The following P3H2 variants were observed in gnomAD, a reference collection of about 807,000 sequenced individuals.
P3H2 encodes prolyl 3-hydroxylase 2.
A neutral mutation model predicts 87.0 loss-of-function variants in P3H2; 80 were observed. That is an observed-to-expected ratio of 0.92 (90% confidence interval 0.77 to 1.11). The LOEUF (loss-of-function observed/expected upper bound fraction) is 1.11, where lower values mean the gene tolerates loss of function less well. Among genes scored for constraint, P3H2 ranks in the 50% least tolerant of loss-of-function variants. The pLI, the probability that P3H2 is intolerant of heterozygous loss-of-function variation, is 0.00. For synonymous variants in P3H2, 367 were observed against 359.3 expected (o/e 1.02, Z -0.24); for missense variants, 1,001 against 923.9 (o/e 1.08, Z -1.08).
chr3:189,960,275 T>C (rs1015127331), intron 14 of P3H2, among the ~76,000 whole-genome samples: 2 of 152,190 alleles, frequency 1.3e-5, no homozygotes, highest in South Asian at 2.1e-4. Context: ...CCACACATCA[T>C]TGGTCACCGT....
At chr3:190,099,822 C>G (rs1161458333) in intron 1 of P3H2, among the ~76,000 whole-genome samples, 1 of 152,188 alleles carries the variant, frequency 6.6e-6, no homozygotes, top group Non-Finnish European at 1.5e-5. Context: ...AGAGCGGAGT[C>G]TGCAGAACTG....
intron 1 of P3H2, among the ~76,000 whole-genome samples, chr3:190,106,870 C>G (rs1471759788): frequency 6.6e-6 from 1 of 152,116 alleles, no homozygotes; most frequent in Non-Finnish European, 1.5e-5. Flanking sequence ...GAGTTTGGAT[C>G]TCATGATTGT....
At chr3:189,975,075 C>T (rs1723308132) in intron 8 of P3H2, among the ~76,000 whole-genome samples, 2 of 152,136 alleles carry the variant, frequency 1.3e-5, no homozygotes, top group African/African-American at 4.8e-5. Flanking sequence ...ATGTTTGGGT[C>T]CCCAGGTATG....
chr3:190,120,959 T>C (rs1050127026), upstream of P3H2: 10 of 572,118 alleles, frequency 1.7e-5, no homozygotes, highest in Non-Finnish European at 2.5e-5. Flanking sequence ...CTCCTCCTGC[T>C]GCCTGAGACT....
At chr3:190,067,742 T>C (rs1172048563) in intron 1 of P3H2, among the ~76,000 whole-genome samples, 1 of 152,162 alleles carries the variant, frequency 6.6e-6, no homozygotes, top group African/African-American at 2.4e-5. Context: ...TATGAAGTAT[T>C]TCTGGGGGGG....
At chr3:189,994,732 G>T (rs1723994310) in intron 2 of P3H2, among the ~76,000 whole-genome samples, 1 of 147,228 alleles carries the variant, frequency 6.8e-6, no homozygotes, top group Admixed American at 6.8e-5. Context: ...GAGGCTACAT[G>T]TTGAGAATGG....
At chr3:190,113,873 C>T (rs1032684108) in intron 1 of P3H2, among the ~76,000 whole-genome samples, 1 of 151,852 alleles carries the variant, frequency 6.6e-6, no homozygotes, top group Non-Finnish European at 1.5e-5. Context: ...GTCGGGAGTT[C>T]GAGACCATCC....
At position 190,022,559 on chromosome 3, in the gene P3H2, C is replaced by A. The variant is rs556060488; in HGVS notation, c.481-27117G>T. 4.5e-5 allele frequency among the ~76,000 whole-genome samples: 6 copies of A among 134,814 alleles called. 2 individuals are homozygous for A. Among genetic ancestry groups the A allele is most frequent in the Middle Eastern group, 7.3e-3 (2 of 274 alleles). The allele number at this position is 134,814 out of a possible 152,430, so 88.4% of individuals were successfully genotyped here. On this transcript the variant is annotated intron_variant, in intron 1 of 14. Coordinates refer to ENST00000319332, the MANE Select transcript of P3H2 (RefSeq NM_018192.4). ...ATTTAACATATTATCCTCCAAGAAA[C>A]ATTATTTGTTAGTTAAATGCACATA...
At chr3:190,011,710 G>A (rs1451879108) in intron 1 of P3H2, among the ~76,000 whole-genome samples, 1 of 152,120 alleles carries the variant, frequency 6.6e-6, no homozygotes, top group Non-Finnish European at 1.5e-5. Flanking sequence ...TAAATTAAAA[G>A]CAAAATTTCT....
intron 1 of P3H2, among the ~76,000 whole-genome samples, chr3:190,068,432 C>A (rs1373411946): frequency 2.0e-5 from 3 of 152,112 alleles, no homozygotes; most frequent in East Asian, 1.9e-4. Flanking sequence ...GGACTCAGCC[C>A]CCTGGACACA....
chr3:189,988,896 C>T lies in P3H2; in HGVS notation c.955+11G>A. 1 of 1,613,936 alleles carries T rather than the reference C, an allele frequency of 6.2e-7. No homozygotes were observed. Among genetic ancestry groups the T allele is most frequent in the Non-Finnish European group, 8.5e-7 (1 of 1,179,950 alleles). On this transcript the variant is annotated intron_variant, in intron 4 of 14. Transcript: ENST00000319332. ...CCCCCAAGAAGTCTTCACGGATGAT[C>T]CACGCTTTACCTCGATAGTAGGCAA... is the stretch of plus-strand genomic sequence containing the variant.
chr3:189,987,746 G>A lies in P3H2; in HGVS notation c.956-77C>T, dbSNP rs1723752259. On this transcript the variant is annotated intron_variant, in intron 4 of 14. Coordinates refer to ENST00000319332, the MANE Select transcript of P3H2 (RefSeq NM_018192.4). ...GATTTTAAAGGGAGGCCATCAACGTGTCTACAAAGGTCAGCATTAAACATG... is the reference window on the plus strand; with the variant it reads ...GATTTTAAAGGGAGGCCATCAACGTATCTACAAAGGTCAGCATTAAACATG... The A allele has an allele frequency of 5.8e-6, 9 of 1,549,160 alleles. No individual in the cohort carries two copies. The South Asian group carries it at 1.0e-4, about 17-fold the overall frequency.
Position 190,120,565 on chromosome 3 carries a change from T to C in P3H2, c.167A>G (p.Tyr56Cys), listed in dbSNP as rs755056740. The C allele has an allele frequency of 7.1e-6, 11 of 1,538,810 alleles. No individual in the cohort carries two copies. The South Asian group carries it at 1.1e-4, about 15-fold the overall frequency. The change falls in exon 1 of 15, where the codon TAC becomes TGC. Residue 56 changes from tyrosine to cysteine, a missense_variant. Coordinates refer to ENST00000319332, the MANE Select transcript of P3H2 (RefSeq NM_018192.4). ...CACCGCTCGCTCGTAGTCTCCGCTG[T>C]AGTAGGCGGCCGCGCCGCTGGCGTA... ...LLYASGAAAY[Y>C]SGDYERAVRD...
rs875989838 is a variant in P3H2 at position 190,120,434 on chromosome 3, C to CG, written c.297dup (p.Gly100ArgfsTer7). On this transcript the variant is annotated frameshift_variant, in exon 1 of 15. Transcript: ENST00000319332. LOFTEE classifies it high-confidence loss of function. ...GGCAGCTCAGCGCCGGGGCCCTCGC[C>CG]GGGGGGCGGGGGCGGGAGCGGGTGG... The CG allele has an allele frequency of 3.5e-6, 5 of 1,409,054 alleles. No homozygotes were observed. Among genetic ancestry groups the CG allele is most frequent in the Non-Finnish European group, 3.7e-6 (4 of 1,087,970 alleles). 87.3% of individuals were successfully genotyped at this position (1,409,054 alleles called of 1,614,324 possible). A position where few individuals can be genotyped will look rare whatever the true frequency, so the allele number is the denominator to read the frequency against.
At chr3:189,979,251 C>T (rs1723449364) in intron 8 of P3H2, among the ~76,000 whole-genome samples, 1 of 144,558 alleles carries the variant, frequency 6.9e-6, no homozygotes, top group East Asian at 2.2e-4. Context: ...CAGTGAAACC[C>T]CATCTCTACT....
chr3:190,094,092 T>A lies in P3H2; in HGVS notation c.480+26160A>T, dbSNP rs710582. Among the ~76,000 whole-genome samples, 1,407 of 152,330 alleles carry A rather than the reference T, an allele frequency of 9.2e-3. 11 individuals are homozygous for A. Among genetic ancestry groups the A allele is most frequent in the South Asian group, 0.023 (109 of 4,826 alleles). Reference sequence around the variant, plus strand: ...CAATAGGTGACAATCTGATACACTGTAAAACCAGAATCGAGAATGTGTTTC... The same window carrying A: ...CAATAGGTGACAATCTGATACACTGAAAAACCAGAATCGAGAATGTGTTTC... On this transcript the variant is annotated intron_variant, in intron 1 of 14. Transcript: ENST00000319332.
intron 8 of P3H2, among the ~76,000 whole-genome samples, chr3:189,978,874 T>C (rs977030929): frequency 6.6e-6 from 1 of 152,160 alleles, no homozygotes; most frequent in Non-Finnish European, 1.5e-5. Flanking sequence ...TTTGATGGCT[T>C]CAGCCAATTC....
intron 1 of P3H2, among the ~76,000 whole-genome samples, chr3:190,075,019 C>G (rs568392393): frequency 6.6e-6 from 1 of 152,306 alleles, no homozygotes; most frequent in Admixed American, 6.5e-5. Flanking sequence ...CCAACAGCAC[C>G]TCCCTCAGCT....
chr3:190,002,667 G>A (rs2108928966), intron 1 of P3H2, among the ~76,000 whole-genome samples: 1 of 152,270 alleles, frequency 6.6e-6, no homozygotes, highest in South Asian at 2.1e-4. Context: ...CCAAAGTGCT[G>A]GGATTACAGG....
Sources: allele counts gnomAD v4.1 joint callset (sites outside exome capture counted in the v4.1 genomes callset), GRCh38; gene constraint gnomAD v4.1.1; transcripts MANE v1.5; gene names NCBI Gene and HGNC (gene_info 2026-07-23, HGNC 2026-07-21).